MUC17: variants seen among roughly 807,000 people sequenced by gnomAD.
MUC17 encodes mucin 17, cell surface associated.
A neutral mutation model predicts 170.3 loss-of-function variants in MUC17; 190 were observed. The ratio of observed to expected loss-of-function variants is 1.12; its 90% CI spans 0.99 to 1.26. The LOEUF is 1.26. Ranked by LOEUF, MUC17 falls within the 50% of genes most tolerant of loss-of-function variation. The pLI is 0.00. For missense variants in MUC17, 6,415 were observed against 5,530.0 expected (o/e 1.16, Z -5.08); for synonymous variants, 2,325 against 2,002.5 (o/e 1.16, Z -4.30).
At chr7:101,050,866 G>A (rs1794929338) in intron 7 of MUC17, among the ~76,000 whole-genome samples, 1 of 152,068 alleles carries the variant, frequency 6.6e-6, no homozygotes, top group South Asian at 2.1e-4. Context: ...TAAGGGAAGG[G>A]ACAAAGGCAA....
chr7:101,030,086 G>T (rs1198021005), intron 1 of MUC17, among the ~76,000 whole-genome samples: 1 of 152,052 alleles, frequency 6.6e-6, no homozygotes, highest in African/African-American at 2.4e-5. Context: ...TGTTCTACGG[G>T]TCTAATTAAA....
Position 101,034,275 on chromosome 7 carries a change from A to C in MUC17, c.2859A>C (p.Thr953=), listed in dbSNP as rs4373459. The C allele has an allele frequency of 0.085, 130,069 of 1,532,838 alleles. No individual in the cohort carries two copies. The highest frequency in any genetic ancestry group is 0.17 in the African/African-American group (11,943 of 69,632). 95.0% of individuals were successfully genotyped at this position (1,532,838 alleles called of 1,614,324 possible). The change falls in exon 3 of 13, where the codon ACA becomes ACC. Residue 953 remains threonine (T), a synonymous_variant. Transcript: ENST00000306151. ...TLSATPVDTS[T]PVTTSTEATS... ...CAGCAACTCCTGTTGACACCAGCAC[A>C]CCTGTGACCACTTCTACTGAAGCCA...
rs752423673 is a variant in MUC17 at position 101,037,450 on chromosome 7, A to G, written c.6034A>G (p.Thr2012Ala). ...CACTCTTTCCACAACTCCTGTTGACACCAGCACTCCTGCCACCACTTCTAC... is the reference window on the plus strand; with the variant it reads ...CACTCTTTCCACAACTCCTGTTGACGCCAGCACTCCTGCCACCACTTCTAC... ...ASTLSTTPVD[T>A]STPATTSTEG... Residue 2012 changes from threonine to alanine, a missense_variant, in exon 3 of 13, where the codon ACC (threonine) becomes GCC (alanine). Thr to Ala is a moderately conservative substitution (Grantham distance 58, BLOSUM62 0). Transcript: ENST00000306151. 1.2e-6 allele frequency: 2 copies of G among 1,606,002 alleles called. No homozygotes were observed. The highest frequency in any genetic ancestry group is 8.5e-7 in the Non-Finnish European group (1 of 1,176,572).
chr7:101,049,345 A>T lies in MUC17; in HGVS notation c.12685A>T (p.Ile4229Phe). 1 of 1,614,042 alleles carries T rather than the reference A, an allele frequency of 6.2e-7. No individual in the cohort carries two copies. Among genetic ancestry groups the T allele is most frequent in the Non-Finnish European group, 8.5e-7 (1 of 1,179,974 alleles). Residue 4229 changes from isoleucine (I) to phenylalanine (F), a missense_variant, in exon 6 of 13, where the codon ATC becomes TTC. Transcript: ENST00000306151. Reference protein sequence around the residue: ...TEQMNIVYSGIPEYVGVNITK... With the variant: ...TEQMNIVYSGFPEYVGVNITK... ...TCAGATGAATATTGTGTATTCCGGG[A>T]TCCCTGAGTATGTCGGGGTGAACAT...
Position 101,020,580 on chromosome 7 carries a change from C to T in MUC17, c.82+363C>T. On this transcript the variant is annotated intron_variant, in intron 1 of 12. Coordinates refer to ENST00000306151, the MANE Select transcript of MUC17 (RefSeq NM_001040105.2). ...CCTGGCACAAGACTGGTGTTCAACC[C>T]ATATTAGAGTCTATCCTTACCCAGT... 2.0e-5 allele frequency among the ~76,000 whole-genome samples: 3 copies of T among 152,104 alleles called. No individual in the cohort carries two copies. In the East Asian group the frequency reaches 5.8e-4, roughly 29 times the overall value.
At position 101,040,022 on chromosome 7, in the gene MUC17, C is replaced by T; in HGVS notation, c.8606C>T (p.Thr2869Ile). 1 of 1,613,252 alleles carries T rather than the reference C, an allele frequency of 6.2e-7. No individual in the cohort carries two copies. The highest frequency in any genetic ancestry group is 8.5e-7 in the Non-Finnish European group (1 of 1,179,772). ...ATCTCAACTGCTAGTGAAGGAAGTA[C>T]TCTATTAACAAGTATACCTGTCAGC... Reference protein sequence around the residue: ...VPISTASEGSTLLTSIPVSTT... With the variant: ...VPISTASEGSILLTSIPVSTT... The change falls in exon 3 of 13, where the codon ACT becomes ATT. Residue 2869 changes from threonine (T) to isoleucine (I), a missense_variant. Physicochemically the swap from Thr to Ile is moderately conservative, Grantham distance 89. Coordinates refer to ENST00000306151, the MANE Select transcript of MUC17 (RefSeq NM_001040105.2).
In MUC17 at chr7:101,034,667, C is replaced by A; in HGVS notation, c.3251C>A (p.Thr1084Lys). 3.1e-6 allele frequency: 5 copies of A among 1,606,964 alleles called. No individual in the cohort carries two copies. The highest frequency in any genetic ancestry group is 4.3e-6 in the Non-Finnish European group (5 of 1,175,918). Residue 1084 changes from threonine (T) to lysine (K), a missense_variant, in exon 3 of 13, where the codon ACA becomes AAA. Coordinates refer to ENST00000306151, the MANE Select transcript of MUC17 (RefSeq NM_001040105.2). ...TTYSQASSSS[T>K]TADGTSMPTS... ...TATTCTCAAGCCAGTTCATCTTCTA[C>A]AACTGCTGACGGTACCAGCATGCCA...
rs914886650 is a variant in MUC17 at position 101,049,091 on chromosome 7, C to T, written c.12663+119C>T. On this transcript the variant is annotated intron_variant, in intron 5 of 12. Coordinates refer to ENST00000306151, the MANE Select transcript of MUC17 (RefSeq NM_001040105.2). The stretch of plus-strand genomic sequence containing the variant: ...AGATGTGCGGGAGTTCTCTCAGGCC[C>T]CCACGTCCTCAGGGCTTGCCAGTGC... 1.1e-5 allele frequency: 16 copies of T among 1,500,442 alleles called. No individual in the cohort carries two copies. In the Admixed American group the frequency reaches 3.0e-4, roughly 28 times the overall value. 92.9% of individuals were successfully genotyped at this position (1,500,442 alleles called of 1,614,324 possible).
intron 1 of MUC17, among the ~76,000 whole-genome samples, chr7:101,020,864 C>T (rs903429364): frequency 3.3e-5 from 5 of 152,082 alleles, no homozygotes; most frequent in Non-Finnish European, 7.4e-5. Flanking sequence ...ACAGGGACCC[C>T]GGGGGGCTCA....
At position 101,042,953 on chromosome 7, in the gene MUC17, T is replaced by C. The variant is rs1403856261; in HGVS notation, c.11537T>C (p.Leu3846Ser). 1.9e-6 allele frequency: 3 copies of C among 1,614,040 alleles called. No individual in the cohort carries two copies. The highest frequency in any genetic ancestry group is 2.5e-6 in the Non-Finnish European group (3 of 1,180,048). The change falls in exon 3 of 13, where the codon TTG (leucine) becomes TCG (serine). Residue 3846 changes from leucine to serine, a missense_variant. Physicochemically the swap from Leu to Ser is moderately radical, Grantham distance 145 (BLOSUM62 -2). Transcript: ENST00000306151. Reference protein sequence around the residue: ...STPPGDTSTPLLTSTKAGSFS... With the variant: ...STPPGDTSTPSLTSTKAGSFS... ...CCTCCTGGTGATACCAGCACACCTT[T>C]GCTCACCTCTACCAAAGCCGGTTCA...
chr7:101,031,449 C>T (rs957262519), intron 2 of MUC17, 152 bp from the exon 3 acceptor site: 1 of 1,044,416 alleles, frequency 9.6e-7, no homozygotes, highest in Non-Finnish European at 1.3e-6. Flanking sequence ...GAGAGACTAA[C>T]ACACTGGAGA....
At position 101,038,077 on chromosome 7, in the gene MUC17, C is replaced by T. The variant is rs528861361; in HGVS notation, c.6661C>T (p.Pro2221Ser). 205 of 1,406,578 alleles carry T rather than the reference C, an allele frequency of 1.5e-4. 1 individual carries two copies. In the South Asian group the frequency reaches 2.9e-3, roughly 20 times the overall value. 87.1% of individuals were successfully genotyped at this position (1,406,578 alleles called of 1,614,324 possible). A position where few individuals can be genotyped will look rare whatever the true frequency, so the allele number is the denominator to read the frequency against. The stretch of plus-strand genomic sequence containing the variant: ...CTCAACTCCTAGTGAAGGAAGCACT[C>T]CATTCACAAGTATGCCTGTCAGCAC... ...PTSTPSEGSTPFTSMPVSTMP... is the reference protein window; with the variant it reads ...PTSTPSEGSTSFTSMPVSTMP... Residue 2221 changes from proline to serine, a missense_variant, in exon 3 of 13, where the codon CCA becomes TCA. Physicochemically the swap from Pro to Ser is moderately conservative, Grantham distance 74. Coordinates refer to ENST00000306151, the MANE Select transcript of MUC17 (RefSeq NM_001040105.2).
chr7:101,055,132 G>GGGAAGA (rs1562825519), intron 11 of MUC17, among the ~76,000 whole-genome samples: 1 of 151,684 alleles, frequency 6.6e-6, no homozygotes, highest in Non-Finnish European at 1.5e-5. Flanking sequence ...GAGGAGGAAG[G>GGGAAGA]GGAAGAGGAA....
chr7:101,020,280 C>A, intron 1 of MUC17, 63 bp downstream of exon 1: 1 of 1,435,270 alleles, frequency 7.0e-7, no homozygotes, highest in South Asian at 1.3e-5. Flanking sequence ...CCTGCTCTGT[C>A]TGCCCATCCC....
intron 5 of MUC17, 34 bp from the exon 6 acceptor site, chr7:101,049,290 C>T: frequency 6.2e-7 from 1 of 1,613,992 alleles, no homozygotes; most frequent in Non-Finnish European, 8.5e-7. Context: ...CCCGTGGTCC[C>T]TCTGGGATGA....
intron 5 of MUC17, 26 bp downstream of exon 5, chr7:101,048,998 T>C: frequency 1.9e-6 from 3 of 1,613,956 alleles, no homozygotes; most frequent in Non-Finnish European, 2.5e-6. Flanking sequence ...CAAGGCCCCA[T>C]AGCTACTCAG....
At position 101,047,979 on chromosome 7, in the gene MUC17, C is replaced by T. The variant is rs775555251; in HGVS notation, c.12404-5C>T. 3.8e-6 allele frequency: 6 copies of T among 1,584,354 alleles called. No homozygotes were observed. Among genetic ancestry groups the T allele is most frequent in the Non-Finnish European group, 5.1e-6 (6 of 1,167,420 alleles). Reference sequence around the variant, plus strand: ...GGAAAGAAAACTTCTGTGATTGTTCCACAGGCTTTGGAGATGGGTGCCAGA... The same window carrying T: ...GGAAAGAAAACTTCTGTGATTGTTCTACAGGCTTTGGAGATGGGTGCCAGA... On this transcript the variant is annotated splice_region_variant and splice_polypyrimidine_tract_variant and intron_variant, in intron 3 of 12. Coordinates refer to ENST00000306151, the MANE Select transcript of MUC17 (RefSeq NM_001040105.2).
At chr7:101,027,048 G>A (rs980317130) in intron 1 of MUC17, among the ~76,000 whole-genome samples, 2 of 151,942 alleles carry the variant, frequency 1.3e-5, no homozygotes, top group African/African-American at 4.8e-5. Flanking sequence ...AAGATAATAT[G>A]CCAGACACAG....
At position 101,040,771 on chromosome 7, in the gene MUC17, A is replaced by G; in HGVS notation, c.9355A>G (p.Ser3119Gly). Residue 3119 changes from serine (S) to glycine (G), a missense_variant, in exon 3 of 13, where the codon AGT becomes GGT. Ser to Gly is a moderately conservative substitution (Grantham distance 56). Transcript: ENST00000306151. The part of the protein sequence containing the change: ...GVPVSTTPVT[S>G]SAISTLSTTP... The stretch of plus-strand genomic sequence containing the variant: ...GCCTGTCAGCACCACACCGGTGACC[A>G]GTTCTGCAATCAGCACCCTTTCAAC... 1 of 1,613,230 alleles carries G rather than the reference A, an allele frequency of 6.2e-7. No individual in the cohort carries two copies. Among genetic ancestry groups the G allele is most frequent in the Non-Finnish European group, 8.5e-7 (1 of 1,179,686 alleles).
Sources: allele counts gnomAD v4.1 joint callset (sites outside exome capture counted in the v4.1 genomes callset), GRCh38; gene constraint gnomAD v4.1.1; transcripts MANE v1.5; gene names NCBI Gene and HGNC (gene_info 2026-07-23, HGNC 2026-07-21).